DCC: variants seen among roughly 807,000 people sequenced by gnomAD.
DCC encodes the protein DCC netrin 1 receptor.
DCC carries 58 observed loss-of-function variants against 172.5 expected under a neutral mutation model. The observed-to-expected ratio is 0.34, with a 90% CI of 0.27 to 0.42. The LOEUF is 0.42. DCC is among the 10% of genes least tolerant of loss of function. The pLI, the probability that DCC is intolerant of heterozygous loss-of-function variation, is 1.00. For missense variants in DCC, 1,740 were observed against 1,791.0 expected (o/e 0.97, Z 0.51); for synonymous variants, 709 against 644.5 (o/e 1.10, Z -1.52).
chr18:53,023,740 A>T (rs2041917762), intron 5 of DCC, among the ~76,000 whole-genome samples: 1 of 152,152 alleles, frequency 6.6e-6, no homozygotes. Flanking sequence ...TAGAGTTTTT[A>T]GAGGCTTTAA....
intron 5 of DCC, among the ~76,000 whole-genome samples, chr18:53,056,817 T>A (rs1207677445): frequency 2.0e-4 from 30 of 151,898 alleles, no homozygotes; most frequent in Non-Finnish European, 1.5e-5. Context: ...ATCAATCTGG[T>A]TTTTTACTCA....
intron 27 of DCC, among the ~76,000 whole-genome samples, chr18:53,516,182 A>G (rs1285650612): frequency 6.6e-6 from 1 of 151,294 alleles, no homozygotes; most frequent in Non-Finnish European, 1.5e-5. Flanking sequence ...CAAACCTGAG[A>G]AAAACAAGCA....
chr18:52,733,585 C>T (rs1224340359), intron 1 of DCC, among the ~76,000 whole-genome samples: 1 of 152,062 alleles, frequency 6.6e-6, no homozygotes, highest in Non-Finnish European at 1.5e-5. Context: ...GCCTCAGACT[C>T]CTGGAATCCA....
chr18:52,927,251 ACACATATATG>A (rs1031588689), intron 5 of DCC, among the ~76,000 whole-genome samples: 2 of 149,910 alleles, frequency 1.3e-5, no homozygotes, highest in Admixed American at 6.7e-5. Context: ...ATGTACATAT[ACACATATATG>A]CACATATATA....
At chr18:52,610,160 AAAAAAAAAAAAAAAAAAAATATAT>A (rs2034224096) in intron 1 of DCC, among the ~76,000 whole-genome samples, 1 of 11,518 alleles carries the variant, frequency 8.7e-5, no homozygotes, top group African/African-American at 3.9e-4. Context: ...ATAAAAAAAA[AAAAAAAAAAAAAAAAAAAATATAT>A]ATATATATAT....
At chr18:52,986,355 C>A (rs1052769451) in intron 5 of DCC, among the ~76,000 whole-genome samples, 1 of 152,134 alleles carries the variant, frequency 6.6e-6, no homozygotes, top group African/African-American at 2.4e-5. Flanking sequence ...TAGTGGGCAG[C>A]GAATGGCCCA....
At chr18:52,514,192 C>G (rs541413856) in intron 1 of DCC, among the ~76,000 whole-genome samples, 2 of 151,718 alleles carry the variant, frequency 1.3e-5, no homozygotes, top group Non-Finnish European at 2.9e-5. Context: ...AGTGTATATG[C>G]GTACACATGT....
At chr18:52,501,687 C>A (rs1331219759) in intron 1 of DCC, among the ~76,000 whole-genome samples, 3 of 152,088 alleles carry the variant, frequency 2.0e-5, no homozygotes, top group African/African-American at 7.2e-5. Context: ...AAGCCCATGT[C>A]GGTCACCTCT....
chr18:53,511,668 G>A (rs561063794), intron 27 of DCC, among the ~76,000 whole-genome samples: 47 of 152,352 alleles, frequency 3.1e-4, no homozygotes, highest in African/African-American at 9.6e-4. Flanking sequence ...GGGTCAGGGA[G>A]TTCCCTTTCC....
intron 21 of DCC, among the ~76,000 whole-genome samples, chr18:53,429,446 T>A (rs1911465012): frequency 6.6e-6 from 1 of 151,894 alleles, no homozygotes; most frequent in Non-Finnish European, 1.5e-5. Context: ...CTCAATTTCA[T>A]TTTATTCGTG....
chr18:52,727,141 T>C (rs1195053570), intron 1 of DCC, among the ~76,000 whole-genome samples: 1 of 152,156 alleles, frequency 6.6e-6, no homozygotes, highest in African/African-American at 2.4e-5. Context: ...AATAGAAAGC[T>C]ATAAGAAATG....
chr18:52,354,527 C>T lies in DCC; in HGVS notation c.91+13649C>T, dbSNP rs542437013. 1.0e-3 allele frequency among the ~76,000 whole-genome samples: 153 copies of T among 152,176 alleles called. 1 individual carries two copies. The highest frequency in any genetic ancestry group is 1.2e-3 in the Non-Finnish European group (82 of 68,040). ...TTTAACCAACTCCTTGGCCAAAACA[C>T]TGTCAGAGAACGCATTTTTGAATCA... On this transcript the variant is annotated intron_variant, in intron 1 of 28. Coordinates refer to ENST00000442544, the MANE Select transcript of DCC (RefSeq NM_005215.4).
intron 27 of DCC, among the ~76,000 whole-genome samples, chr18:53,503,747 T>C (rs536142133): frequency 7.2e-5 from 11 of 152,320 alleles, no homozygotes; most frequent in Middle Eastern, 3.4e-3. Context: ...GAAAATGTGA[T>C]CTCTTAAATA....
rs76864750 is a variant in DCC at position 53,127,638 on chromosome 18, A to G, written c.1262-29718A>G. On this transcript the variant is annotated intron_variant, in intron 7 of 28. Transcript: ENST00000442544. ...ATAAAATGTATGACTTTGAACAAAT[A>G]AAAGCTTAGCCACTAGAATATTAAC... Among the ~76,000 whole-genome samples, 449 of 152,304 alleles carry G rather than the reference A, an allele frequency of 2.9e-3. 16 individuals are homozygous for G. The East Asian group carries it at 0.08, about 27-fold the overall frequency.
At chr18:53,253,036 A>G (rs2056458528) in intron 12 of DCC, among the ~76,000 whole-genome samples, 1 of 151,950 alleles carries the variant, frequency 6.6e-6, no homozygotes, top group African/African-American at 2.4e-5. Context: ...TTCATGTACC[A>G]TTTTCGTATT....
chr18:52,817,231 C>T (rs898446377), intron 2 of DCC, among the ~76,000 whole-genome samples: 3 of 152,064 alleles, frequency 2.0e-5, no homozygotes, highest in South Asian at 4.1e-4. Context: ...TTGATCAGGC[C>T]AATCACTTTT....
At chr18:52,788,014 G>T (rs1015474589) in intron 2 of DCC, among the ~76,000 whole-genome samples, 1 of 152,074 alleles carries the variant, frequency 6.6e-6, no homozygotes, top group Admixed American at 6.6e-5. Flanking sequence ...TAAAGAGGAG[G>T]TTAGTGTCTT....
chr18:52,366,470 G>A (rs551426667), intron 1 of DCC, among the ~76,000 whole-genome samples: 7 of 152,256 alleles, frequency 4.6e-5, no homozygotes, highest in South Asian at 2.1e-4. Flanking sequence ...TTGTCAGGGC[G>A]CTGATTGGTG....
At chr18:52,580,087 C>G in intron 1 of DCC, among the ~76,000 whole-genome samples, 1 of 152,334 alleles carries the variant, frequency 6.6e-6, no homozygotes, top group South Asian at 2.1e-4. Context: ...AGATAAATCA[C>G]GACCCGCACT....
Sources: gnomAD v4.1 joint callset for allele counts (sites outside exome capture counted in the v4.1 genomes callset) on GRCh38, gnomAD v4.1.1 for gene constraint, MANE v1.5 for transcripts, NCBI Gene and HGNC (gene_info 2026-07-23, HGNC 2026-07-21) for gene names.